The following APBB2 variants were observed in gnomAD, a reference collection of about 807,000 sequenced individuals.
APBB2 encodes the protein Fe65-like 1.
Under a neutral mutation model 82.5 loss-of-function variants are expected in APBB2, and 38 were observed. The ratio of observed to expected loss-of-function variants is 0.46; its 90% CI spans 0.36 to 0.60. The LOEUF (loss-of-function observed/expected upper bound fraction) is 0.60, where lower values mean the gene tolerates loss of function less well. Among genes scored for constraint, APBB2 ranks in the 20% least tolerant of loss-of-function variants. APBB2 has a pLI of 0.00. For missense variants in APBB2, 772 were observed against 972.3 expected (o/e 0.79, Z 2.74); for synonymous variants, 341 against 368.2 (o/e 0.93, Z 0.85).
chr4:41,146,344 A>AAAC (rs1760734452), intron 1 of APBB2, among the ~76,000 whole-genome samples: 3 of 149,258 alleles, frequency 2.0e-5, no homozygotes, highest in Admixed American at 6.6e-5. Flanking sequence ...AAAAAAAAAA[A>AAAC]AAAACCCGGG....
chr4:41,196,745 A>G, intron 1 of APBB2, among the ~76,000 whole-genome samples: 4 of 151,756 alleles, frequency 2.6e-5, no homozygotes, highest in Admixed American at 6.6e-5. Flanking sequence ...TCATGAGCAC[A>G]TTTTCCTTTC....
intron 4 of APBB2, among the ~76,000 whole-genome samples, chr4:41,051,789 G>T (rs1268644217): frequency 6.6e-6 from 1 of 151,978 alleles, no homozygotes; most frequent in African/African-American, 2.4e-5. Context: ...ACATATACAC[G>T]CTCCAAGCTA....
At chr4:40,945,396 C>T (rs1324536706) in intron 6 of APBB2, among the ~76,000 whole-genome samples, 1 of 151,506 alleles carries the variant, frequency 6.6e-6, no homozygotes, top group Non-Finnish European at 1.5e-5. Flanking sequence ...ATTTCCCAAA[C>T]AAAATTCACA....
At chr4:41,170,775 G>A (rs1200436834) in intron 1 of APBB2, among the ~76,000 whole-genome samples, 1 of 152,150 alleles carries the variant, frequency 6.6e-6, no homozygotes, top group East Asian at 1.9e-4. Flanking sequence ...ACTGTACAAT[G>A]ATTATATAAG....
At chr4:40,917,017 A>G (rs915043725) in intron 10 of APBB2, among the ~76,000 whole-genome samples, 6 of 152,122 alleles carry the variant, frequency 3.9e-5, no homozygotes, top group Admixed American at 1.3e-4. Context: ...GGCTTCCTCA[A>G]GTGGCCAGGG....
intron 1 of APBB2, among the ~76,000 whole-genome samples, chr4:41,177,150 G>A (rs754542649): frequency 1.3e-5 from 2 of 152,208 alleles, no homozygotes; most frequent in South Asian, 2.1e-4. Context: ...GAATTCAGAG[G>A]GTCAGTTTAA....
At position 41,033,524 on chromosome 4, in the gene APBB2, AT is replaced by A. The variant is rs199872608; in HGVS notation, c.-50-221del. ...CATTTCCCACAAACATTTATTGAGG[AT>A]TTTTTTCATGGTAGGCCTTACCTAC... On this transcript the variant is annotated intron_variant, in intron 4 of 17. Coordinates refer to ENST00000508593, the MANE Select transcript of APBB2 (RefSeq NM_004307.2). 8.3e-3 allele frequency among the ~76,000 whole-genome samples: 1,233 copies of A among 148,280 alleles called. 12 individuals carry two copies. The highest frequency in any genetic ancestry group is 0.012 in the Non-Finnish European group (812 of 67,168).
chr4:41,101,791 C>T (rs1447616446), intron 2 of APBB2, among the ~76,000 whole-genome samples: 2 of 151,900 alleles, frequency 1.3e-5, no homozygotes, highest in East Asian at 3.9e-4. Flanking sequence ...AACCCCATCT[C>T]TATTAAAAAT....
At chr4:41,132,224 G>A (rs1279049463) in intron 2 of APBB2, among the ~76,000 whole-genome samples, 1 of 152,026 alleles carries the variant, frequency 6.6e-6, no homozygotes, top group Non-Finnish European at 1.5e-5. Flanking sequence ...GCCAAAGGAG[G>A]TAAATCACGT....
chr4:41,186,477 T>C (rs1208843271), intron 1 of APBB2, among the ~76,000 whole-genome samples: 1 of 152,210 alleles, frequency 6.6e-6, no homozygotes. Context: ...CTGTTTGCCA[T>C]TAAGCAGATT....
intron 12 of APBB2, among the ~76,000 whole-genome samples, chr4:40,846,554 C>T (rs1369852567): frequency 6.6e-6 from 1 of 152,186 alleles, no homozygotes; most frequent in Non-Finnish European, 1.5e-5. Flanking sequence ...GGGAAAGGTT[C>T]TATCCTTCCC....
At chr4:41,145,846 C>T (rs1403172385) in intron 1 of APBB2, among the ~76,000 whole-genome samples, 6 of 152,204 alleles carry the variant, frequency 3.9e-5, no homozygotes, top group Admixed American at 1.3e-4. Context: ...AGTCTGGCCT[C>T]TTACTTCCAA....
intron 1 of APBB2, among the ~76,000 whole-genome samples, chr4:41,162,286 A>G (rs1765381491): frequency 1.3e-5 from 2 of 151,654 alleles, no homozygotes; most frequent in Non-Finnish European, 1.5e-5. Context: ...GCAACTGGTT[A>G]AAGTATTTCT....
intron 12 of APBB2, chr4:40,848,917 C>G: frequency 1.0e-6 from 1 of 985,398 alleles, no homozygotes. Flanking sequence ...CCATCTGAAG[C>G]TACCCTATTT....
At chr4:40,854,006 C>T (rs1760331178) in intron 12 of APBB2, among the ~76,000 whole-genome samples, 1 of 152,200 alleles carries the variant, frequency 6.6e-6, no homozygotes, top group South Asian at 2.1e-4. Context: ...CTCAGTCCTT[C>T]ATGCTGCCTC....
intron 3 of APBB2, among the ~76,000 whole-genome samples, chr4:41,084,061 TA>T (rs201530325): frequency 0.018 from 2,745 of 152,212 alleles, 48 homozygotes; most frequent in African/African-American, 0.038. Flanking sequence ...ATTTTATTGG[TA>T]AAAAAAGTGA....
At chr4:40,877,315 T>C (rs142869741) in intron 12 of APBB2, among the ~76,000 whole-genome samples, 4 of 152,352 alleles carry the variant, frequency 2.6e-5, no homozygotes, top group Non-Finnish European at 5.9e-5. Flanking sequence ...ATACCCACTA[T>C]TTACACCCTC....
chr4:40,948,489 A>G (rs10938461), intron 6 of APBB2, among the ~76,000 whole-genome samples: 146,064 of 152,172 alleles, frequency 0.96, 70,308 homozygotes, highest in South Asian at 1. Context: ...GGCTAGGGGC[A>G]GTGGCTCATG....
At chr4:40,848,994 G>T in intron 12 of APBB2, 1 of 700,240 alleles carries the variant, frequency 1.4e-6, no homozygotes, top group Non-Finnish European at 1.8e-6. Flanking sequence ...ACTTACCACT[G>T]TCTGGCACAT....
Sources: gnomAD v4.1 joint callset for allele counts (sites outside exome capture counted in the v4.1 genomes callset) on GRCh38, gnomAD v4.1.1 for gene constraint, MANE v1.5 for transcripts, NCBI Gene and HGNC (gene_info 2026-07-23, HGNC 2026-07-21) for gene names.